ADAMTSL1: variants seen among roughly 807,000 people sequenced by gnomAD.
ADAMTSL1 encodes the protein ADAMTS-like protein 1.
A neutral mutation model predicts 201.8 loss-of-function variants in ADAMTSL1; 126 were observed. That is an observed-to-expected ratio of 0.62 (90% CI 0.54 to 0.72). The LOEUF (loss-of-function observed/expected upper bound fraction) is 0.72, where lower values mean the gene tolerates loss of function less well. ADAMTSL1 is among the 30% of genes least tolerant of loss of function. ADAMTSL1 has a pLI of 0.00. For missense variants in ADAMTSL1, 2,679 were observed against 2,277.8 expected (o/e 1.18, Z -3.59); for synonymous variants, 1,121 against 903.4 (o/e 1.24, Z -4.32).
At chr9:18,573,998 C>A in intron 3 of ADAMTSL1, 32 bp from the exon 4 acceptor site, 1 of 1,587,400 alleles carries the variant, frequency 6.3e-7, no homozygotes, top group Non-Finnish European at 8.6e-7. Context: ...TCCTCCTAAC[C>A]TTTGTATGTC....
chr9:18,086,258 C>G (rs1237711201), intron 1 of ADAMTSL1, among the ~76,000 whole-genome samples: 2 of 152,120 alleles, frequency 1.3e-5, no homozygotes, highest in East Asian at 3.9e-4. Flanking sequence ...GGACAGACCT[C>G]CCAGAGACAG....
chr9:18,694,837 G>C (rs1487882094), intron 13 of ADAMTSL1, among the ~76,000 whole-genome samples: 2 of 152,210 alleles, frequency 1.3e-5, no homozygotes, highest in Non-Finnish European at 2.9e-5. Flanking sequence ...CATCCATACT[G>C]TTCTAGTAGA....
intron 4 of ADAMTSL1, among the ~76,000 whole-genome samples, chr9:18,609,608 C>G (rs1218860060): frequency 6.6e-6 from 1 of 152,130 alleles, no homozygotes; most frequent in Non-Finnish European, 1.5e-5. Context: ...AGCTGTGGGA[C>G]TTGGAGTCTA....
chr9:18,018,967 T>C (rs911222583), intron 1 of ADAMTSL1, among the ~76,000 whole-genome samples: 1 of 152,008 alleles, frequency 6.6e-6, no homozygotes, highest in African/African-American at 2.4e-5. Context: ...CTGTAGTACT[T>C]TTAGGAGAAT....
At chr9:18,887,322 A>T (rs1010848018) in intron 23 of ADAMTSL1, among the ~76,000 whole-genome samples, 1 of 152,246 alleles carries the variant, frequency 6.6e-6, no homozygotes, top group African/African-American at 2.4e-5. Context: ...CAGAAAAAAG[A>T]TCCATGTCTA....
chr9:17,943,428 G>A (rs563029782), intron 1 of ADAMTSL1, among the ~76,000 whole-genome samples: 6 of 152,100 alleles, frequency 3.9e-5, no homozygotes, highest in East Asian at 1.9e-4. Flanking sequence ...TCACCTTATC[G>A]CAGGTCAAGG....
At chr9:18,529,471 TG>T (rs1379588279) in intron 2 of ADAMTSL1, among the ~76,000 whole-genome samples, 12 of 152,174 alleles carry the variant, frequency 7.9e-5, no homozygotes, top group African/African-American at 2.9e-4. Context: ...CACTTTTCTG[TG>T]TATGTAACTT....
At chr9:18,560,924 C>G (rs1345066060) in intron 3 of ADAMTSL1, among the ~76,000 whole-genome samples, 5 of 130,238 alleles carry the variant, frequency 3.8e-5, no homozygotes, top group Non-Finnish European at 6.6e-5. Context: ...GGCTAGTGCT[C>G]TATTTCGTTA....
intron 2 of ADAMTSL1, among the ~76,000 whole-genome samples, chr9:18,311,769 G>T (rs1023455599): frequency 2.6e-5 from 4 of 152,148 alleles, no homozygotes; most frequent in Non-Finnish European, 5.9e-5. Flanking sequence ...CAGTTCAGTG[G>T]GGGAGATTGA....
chr9:18,291,732 C>CTG (rs1833274130), intron 2 of ADAMTSL1, among the ~76,000 whole-genome samples: 2 of 133,020 alleles, frequency 1.5e-5, no homozygotes, highest in African/African-American at 5.8e-5. Context: ...CTCTCTCTCT[C>CTG]TCTCTCTCTC....
chr9:18,017,212 TA>T, intron 1 of ADAMTSL1, among the ~76,000 whole-genome samples: 1 of 152,048 alleles, frequency 6.6e-6, no homozygotes, highest in East Asian at 1.9e-4. Context: ...TTTGCAAAGT[TA>T]AAAGCCCTAT....
intron 26 of ADAMTSL1, among the ~76,000 whole-genome samples, chr9:18,894,927 T>A (rs1009277084): frequency 6.6e-6 from 1 of 152,096 alleles, no homozygotes; most frequent in African/African-American, 2.4e-5. Context: ...GTAGGAAAAT[T>A]CACAGAGACC....
At chr9:18,510,633 A>G (rs1182163062) in intron 2 of ADAMTSL1, among the ~76,000 whole-genome samples, 5 of 152,090 alleles carry the variant, frequency 3.3e-5, no homozygotes, top group Non-Finnish European at 5.9e-5. Flanking sequence ...AAGACACTGT[A>G]TAAACATTGT....
chr9:18,066,895 C>T (rs570616453), intron 1 of ADAMTSL1, among the ~76,000 whole-genome samples: 104 of 152,188 alleles, frequency 6.8e-4, no homozygotes, highest in Non-Finnish European at 1.3e-3. Flanking sequence ...GAACAAAAAA[C>T]CAAACACCGC....
At chr9:17,986,369 A>T (rs1755293) in intron 1 of ADAMTSL1, among the ~76,000 whole-genome samples, 7 of 151,924 alleles carry the variant, frequency 4.6e-5, no homozygotes, top group African/African-American at 1.4e-4. Context: ...TCAGTTGTCC[A>T]CATGGCAGAA....
intron 28 of ADAMTSL1, chr9:18,907,569 A>G (rs920674186): frequency 6.6e-6 from 1 of 152,358 alleles, no homozygotes; most frequent in Non-Finnish European, 1.5e-5. Context: ...AGCTTGAGGC[A>G]AAGAGTAGGA....
chr9:18,323,730 A>G (rs1312256281), intron 2 of ADAMTSL1, among the ~76,000 whole-genome samples: 2 of 152,188 alleles, frequency 1.3e-5, no homozygotes, highest in African/African-American at 2.4e-5. Flanking sequence ...ACTTTTTTCA[A>G]TAGCTTTAAA....
intron 3 of ADAMTSL1, among the ~76,000 whole-genome samples, chr9:18,563,235 C>T (rs981084453): frequency 3.9e-5 from 6 of 152,168 alleles, no homozygotes; most frequent in African/African-American, 1.4e-4. Flanking sequence ...CTATTCCTTT[C>T]TGTTTGTTAG....
intron 2 of ADAMTSL1, among the ~76,000 whole-genome samples, chr9:18,270,389 T>C (rs34106751): frequency 0.046 from 6,932 of 152,176 alleles, 243 homozygotes; most frequent in Non-Finnish European, 0.074. Context: ...CATAGGAGAC[T>C]TCTAATGGGA....
Sources: gnomAD v4.1 joint callset for allele counts (sites outside exome capture counted in the v4.1 genomes callset) on GRCh38, gnomAD v4.1.1 for gene constraint, MANE v1.5 for transcripts, NCBI Gene and HGNC (gene_info 2026-07-23, HGNC 2026-07-21) for gene names.